The following NRAP variants were observed in gnomAD, a reference collection of about 807,000 sequenced individuals.
The protein encoded by NRAP is nebulin related anchoring protein, also known as nebulin-related-anchoring protein.
In NRAP, 189 loss-of-function variants were observed where a neutral mutation model predicts 225.9. The observed-to-expected ratio is 0.84, with a 90% CI of 0.74 to 0.94. The LOEUF (loss-of-function observed/expected upper bound fraction) is 0.94, where lower values mean the gene tolerates loss of function less well. NRAP is among the 40% of genes least tolerant of loss of function. The pLI is 0.00. For missense variants in NRAP, 2,176 were observed against 2,168.7 expected (o/e 1.00, Z -0.07); for synonymous variants, 769 against 790.7 (o/e 0.97, Z 0.46).
chr10:113,608,001 A>T (rs1847099267), intron 32 of NRAP, among the ~76,000 whole-genome samples: 1 of 152,240 alleles, frequency 6.6e-6, no homozygotes, highest in South Asian at 2.1e-4. Context: ...ATCCTCCCAC[A>T]TCAGATTGAC....
intron 35 of NRAP, among the ~76,000 whole-genome samples, chr10:113,600,644 CAA>C (rs951403693): frequency 1.2e-4 from 19 of 152,132 alleles, no homozygotes; most frequent in African/African-American, 4.3e-4. Flanking sequence ...CTGGGGAAGC[CAA>C]AGAGACTGAA....
chr10:113,620,629 T>C lies in NRAP; in HGVS notation c.2849A>G (p.Lys950Arg), dbSNP rs1463248241. The C allele has an allele frequency of 1.2e-6, 2 of 1,613,454 alleles. No individual in the cohort carries two copies. The highest frequency in any genetic ancestry group is 1.7e-6 in the Non-Finnish European group (2 of 1,179,474). ...ATGSLNVEQA[K>R]KAGELISEKK... is the part of the protein sequence containing the mutation. ...CTCGCTAATGAGTTCTCCTGCCTTC[T>C]TCGCCTGCTCCACATTTAATGACCC... The change falls in exon 25 of 42, where the codon AAG becomes AGG. Residue 950 changes from lysine to arginine, a missense_variant. By Grantham distance (26) the Lys-to-Arg change is conservative (BLOSUM62 2). Around this residue, in one of 3 missense-constraint regions of NRAP, gnomAD observed 1,708 missense variants for 1,695.5 expected, o/e 1.01. Coordinates refer to ENST00000359988, the MANE Select transcript of NRAP (RefSeq NM_198060.4).
chr10:113,642,494 C>T (rs548902522), intron 12 of NRAP, among the ~76,000 whole-genome samples: 3 of 152,190 alleles, frequency 2.0e-5, no homozygotes, highest in South Asian at 4.2e-4. Flanking sequence ...TTGCGAATGC[C>T]CCTCTAGTAC....
intron 9 of NRAP, among the ~76,000 whole-genome samples, chr10:113,647,517 C>T: frequency 6.7e-6 from 1 of 150,354 alleles, no homozygotes; most frequent in South Asian, 2.1e-4. Context: ...GTGGTACTGT[C>T]TCCCCCGGTG....
Position 113,614,889 on chromosome 10 carries a change from C to T in NRAP, c.3136G>A (p.Asp1046Asn), listed in dbSNP as rs751217537. ...TTTGCTGCTTGGAATGGAAGGGCATCCAACCTCAGTTTATAGCCACCATCT... is the reference window on the plus strand; with the variant it reads ...TTTGCTGCTTGGAATGGAAGGGCATTCAACCTCAGTTTATAGCCACCATCT... ...LRDGGYKLRL[D>N]ALPFQAAKAS... Residue 1046 changes from aspartate (D) to asparagine (N), a missense_variant, in exon 28 of 42, where the codon GAT becomes AAT. Coordinates refer to ENST00000359988, the MANE Select transcript of NRAP (RefSeq NM_198060.4). 3.1e-6 allele frequency: 5 copies of T among 1,613,458 alleles called. No individual in the cohort carries two copies. In the South Asian group the frequency reaches 4.4e-5, roughly 14 times the overall value.
At position 113,589,036 on chromosome 10, in the gene NRAP, T is replaced by A; in HGVS notation, c.5132A>T (p.Glu1711Val). The A allele has an allele frequency of 6.2e-7, 1 of 1,613,906 alleles. No individual in the cohort carries two copies. Among genetic ancestry groups the A allele is most frequent in the South Asian group, 1.1e-5 (1 of 91,062 alleles). ...AATCTCAGTGGCATCTGGGTTCACC[T>A]CCCCACTCTGATGATCTCCAGCCTC... Reference protein sequence around the residue: ...AVEAGDHQSGEVNPDATEILH... With the variant: ...AVEAGDHQSGVVNPDATEILH... Residue 1711 changes from glutamate to valine, a missense_variant, in exon 42 of 42, where the codon GAG becomes GTG. Coordinates refer to ENST00000359988, the MANE Select transcript of NRAP (RefSeq NM_198060.4).
intron 18 of NRAP, among the ~76,000 whole-genome samples, chr10:113,630,631 G>C (rs1408586544): frequency 6.6e-6 from 1 of 152,166 alleles, no homozygotes; most frequent in African/African-American, 2.4e-5. Flanking sequence ...TTGACCCCCA[G>C]CTGCTCCAAC....
chr10:113,662,898 A>C (rs913582961), intron 2 of NRAP, 132 bp from the exon 3 acceptor site: 1 of 482,174 alleles, frequency 2.1e-6, no homozygotes, highest in African/African-American at 2.0e-5. Flanking sequence ...TTAAAAATTA[A>C]GTTCGTGATT....
chr10:113,645,705 C>G, intron 11 of NRAP, 120 bp downstream of exon 11: 1 of 584,344 alleles, frequency 1.7e-6, no homozygotes, highest in Non-Finnish European at 3.0e-6. Flanking sequence ...GCGTGAGCCA[C>G]CGCACCTGGC....
intron 14 of NRAP, among the ~76,000 whole-genome samples, chr10:113,638,941 T>A (rs1186805356): frequency 1.3e-5 from 2 of 152,172 alleles, no homozygotes; most frequent in Non-Finnish European, 2.9e-5. Flanking sequence ...TCTAGATAAA[T>A]GTAGTAGCAA....
In NRAP at chr10:113,589,757, CCAACACCT is replaced by C; in HGVS notation, c.4989_4996del (p.Gly1664LeufsTer52). The C allele has an allele frequency of 2.5e-6, 4 of 1,614,116 alleles. No homozygotes were observed. Among genetic ancestry groups the C allele is most frequent in the Non-Finnish European group, 3.4e-6 (4 of 1,180,016 alleles). ...TTTGTAGGAGCCAGGAGGGGTCCAG[CCAACACCT>C]CTGGTCAGGTTCAAGTCTGATTTAT... On this transcript the variant is annotated frameshift_variant, in exon 41 of 42. Coordinates refer to ENST00000359988, the MANE Select transcript of NRAP (RefSeq NM_198060.4). LOFTEE classifies it high-confidence loss of function.
intron 29 of NRAP, 74 bp downstream of exon 29, chr10:113,614,109 G>A: frequency 1.1e-6 from 1 of 924,484 alleles, no homozygotes; most frequent in Non-Finnish European, 1.8e-6. Context: ...AAGGACAAAT[G>A]AGGTTAGGTT....
chr10:113,632,150 G>T (rs367552769), intron 16 of NRAP, among the ~76,000 whole-genome samples, 186 bp from the exon 17 acceptor site: 3 of 152,206 alleles, frequency 2.0e-5, no homozygotes, highest in African/African-American at 4.8e-5. Flanking sequence ...AGCTGTGCAG[G>T]CCAGTGGTAA....
chr10:113,631,210 T>G (rs1848556048), intron 18 of NRAP, among the ~76,000 whole-genome samples: 1 of 152,214 alleles, frequency 6.6e-6, no homozygotes, highest in African/African-American at 2.4e-5. Flanking sequence ...GACCAGTGTC[T>G]TGCCCATAGT....
At chr10:113,589,531 C>CTTGT (rs1845814075) in intron 41 of NRAP, 135 bp downstream of exon 41, 1 of 1,068,622 alleles carries the variant, frequency 9.4e-7, no homozygotes, top group Non-Finnish European at 1.3e-6. Flanking sequence ...AATTAGGCGC[C>CTTGT]TTGTTTGAGC....
intron 14 of NRAP, 90 bp from the exon 15 acceptor site, chr10:113,634,300 T>G: frequency 1.1e-6 from 1 of 877,700 alleles, no homozygotes; most frequent in South Asian, 1.4e-5. Flanking sequence ...AAGTGGCAAT[T>G]CTCAAATGGC....
intron 12 of NRAP, among the ~76,000 whole-genome samples, chr10:113,642,711 C>A (rs1212901964): frequency 1.3e-5 from 2 of 152,152 alleles, no homozygotes; most frequent in African/African-American, 2.4e-5. Flanking sequence ...GAGGACAGGT[C>A]CCGCCCAGAG....
At chr10:113,663,282 C>T (rs185668905) in intron 2 of NRAP, 70 bp downstream of exon 2, 41 of 901,042 alleles carry the variant, frequency 4.6e-5, no homozygotes, top group African/African-American at 2.5e-4. Context: ...ATGATTTGAA[C>T]GTTTAGTTGG....
At chr10:113,615,406 G>A (rs1435321470) in intron 27 of NRAP, among the ~76,000 whole-genome samples, 1 of 152,180 alleles carries the variant, frequency 6.6e-6, no homozygotes, top group Non-Finnish European at 1.5e-5. Flanking sequence ...GATATACTCA[G>A]CTATATTCTG....
Sources: allele counts gnomAD v4.1 joint callset (sites outside exome capture counted in the v4.1 genomes callset), GRCh38; gene constraint gnomAD v4.1.1; regional missense constraint gnomAD v4.1.1; transcripts MANE v1.5; gene names NCBI Gene and HGNC (gene_info 2026-07-23, HGNC 2026-07-21).